The following PDE4D variants were observed in gnomAD, a reference collection of about 807,000 sequenced individuals.
PDE4D encodes the protein 3',5'-cyclic-AMP phosphodiesterase 4D.
In PDE4D, 24 loss-of-function variants were observed where a neutral mutation model predicts 87.4. The observed-to-expected ratio is 0.27, with a 90% confidence interval of 0.20 to 0.39. The LOEUF (loss-of-function observed/expected upper bound fraction) is 0.39, where lower values mean the gene tolerates loss of function less well. Ranked by LOEUF, PDE4D falls within the 10% of genes least tolerant of loss-of-function variation. PDE4D has a pLI of 1.00. For missense variants in PDE4D, 714 were observed against 1,041.0 expected (o/e 0.69, Z 4.32); for synonymous variants, 384 against 383.2 (o/e 1.00, Z -0.02).
intron 3 of PDE4D, among the ~76,000 whole-genome samples, chr5:59,912,433 A>C (rs1335285328): frequency 8.5e-5 from 13 of 152,254 alleles, no homozygotes; most frequent in African/African-American, 2.9e-4. Flanking sequence ...GTAAGACTGC[A>C]CTTGGTGATG....
intron 2 of PDE4D, among the ~76,000 whole-genome samples, chr5:60,175,180 G>T (rs1783804687): frequency 1.3e-5 from 2 of 151,868 alleles, no homozygotes; most frequent in Admixed American, 6.6e-5. Flanking sequence ...TTCAAGTCCA[G>T]TGATTATTTC....
At chr5:59,635,639 C>A (rs1832143101) in intron 1 of PDE4D, among the ~76,000 whole-genome samples, 1 of 152,136 alleles carries the variant, frequency 6.6e-6, no homozygotes, top group Non-Finnish European at 1.5e-5. Flanking sequence ...TGACAAAAAC[C>A]ACATGATCAA....
intron 1 of PDE4D, among the ~76,000 whole-genome samples, chr5:60,425,802 T>G (rs1203899389): frequency 1.3e-5 from 2 of 152,134 alleles, no homozygotes; most frequent in Non-Finnish European, 2.9e-5. Flanking sequence ...AGTGCTAGTA[T>G]CCAGAATCTA....
intron 1 of PDE4D, among the ~76,000 whole-genome samples, chr5:59,365,052 T>G (rs1782834530): frequency 6.6e-6 from 1 of 152,130 alleles, no homozygotes; most frequent in African/African-American, 2.4e-5. Flanking sequence ...ATACAAAATT[T>G]GACTGGGCTT....
chr5:60,205,660 T>A (rs1583067412), intron 1 of PDE4D, among the ~76,000 whole-genome samples: 1 of 151,402 alleles, frequency 6.6e-6, no homozygotes, highest in African/African-American at 2.4e-5. Context: ...CCAAGGCGGG[T>A]GGATCACCTG....
intron 5 of PDE4D, among the ~76,000 whole-genome samples, chr5:59,155,708 A>C (rs1780075894): frequency 6.6e-6 from 1 of 152,170 alleles, no homozygotes; most frequent in Non-Finnish European, 1.5e-5. Flanking sequence ...AAAACAGACG[A>C]AGCAAGGACT....
At chr5:60,439,598 C>A (rs1413275711) in intron 1 of PDE4D, among the ~76,000 whole-genome samples, 1 of 152,124 alleles carries the variant, frequency 6.6e-6, no homozygotes, top group Non-Finnish European at 1.5e-5. Flanking sequence ...ATGGCCACAA[C>A]ATCCATGTAG....
intron 1 of PDE4D, among the ~76,000 whole-genome samples, chr5:60,281,296 A>G (rs1480178225): frequency 6.6e-6 from 1 of 152,192 alleles, no homozygotes; most frequent in Non-Finnish European, 1.5e-5. Flanking sequence ...CACAAATCCA[A>G]AATCAAACTT....
chr5:59,029,656 ATG>A (rs1445208210), intron 6 of PDE4D, among the ~76,000 whole-genome samples: 1 of 71,734 alleles, frequency 1.4e-5, no homozygotes, highest in African/African-American at 6.1e-5. Context: ...CAAAATTCCA[ATG>A]TCTTTTTTTT....
intron 1 of PDE4D, among the ~76,000 whole-genome samples, chr5:59,553,774 C>A (rs940957098): frequency 1.3e-5 from 2 of 151,906 alleles, no homozygotes; most frequent in Non-Finnish European, 2.9e-5. Context: ...ATTTTAGGAA[C>A]GAGTATAGTA....
chr5:60,484,045 T>C lies in PDE4D; in HGVS notation c.-90+3897A>G, dbSNP rs530916349. 8.4e-4 allele frequency among the ~76,000 whole-genome samples: 128 copies of C among 152,296 alleles called. 1 individual carries two copies. The highest frequency in any genetic ancestry group is 3.4e-3 in the Middle Eastern group (1 of 294). ...AAAATTTGGGATTCAAAACTGCTAA[T>C]TGATCTTTCAAATCATTCAGAAGGT... is the stretch of plus-strand genomic sequence containing the variant. On this transcript the variant is annotated intron_variant, in intron 1 of 16. Transcript: ENST00000502484.
intron 1 of PDE4D, among the ~76,000 whole-genome samples, chr5:59,250,416 A>T (rs1432403742): frequency 6.6e-6 from 1 of 151,100 alleles, no homozygotes; most frequent in South Asian, 2.1e-4. Flanking sequence ...TCGCTTAAGC[A>T]TGGGAGGTCA....
intron 1 of PDE4D, among the ~76,000 whole-genome samples, chr5:59,298,404 C>T (rs1204704815): frequency 6.6e-6 from 1 of 152,018 alleles, no homozygotes; most frequent in Admixed American, 6.6e-5. Flanking sequence ...TGTGAGCCAC[C>T]GTGCCTGGCC....
At chr5:59,946,096 ATGTCTGAGC>A (rs1338549390) in intron 3 of PDE4D, among the ~76,000 whole-genome samples, 3 of 152,148 alleles carry the variant, frequency 2.0e-5, no homozygotes, top group Non-Finnish European at 1.5e-5. Context: ...AAACTGACCT[ATGTCTGAGC>A]TGCCTTCCAT....
intron 1 of PDE4D, among the ~76,000 whole-genome samples, chr5:59,635,554 C>T (rs1045815868): frequency 6.6e-6 from 1 of 152,224 alleles, no homozygotes; most frequent in Non-Finnish European, 1.5e-5. Flanking sequence ...ATCAAGTCGG[C>T]TTCATCCCTG....
intron 1 of PDE4D, among the ~76,000 whole-genome samples, chr5:59,574,057 TA>T (rs1245624819): frequency 4.7e-5 from 3 of 63,278 alleles, no homozygotes; most frequent in Non-Finnish European, 8.4e-5. Flanking sequence ...TATTTATATA[TA>T]AAAATATATA....
At chr5:59,957,605 CATA>C (rs1758985711) in intron 3 of PDE4D, among the ~76,000 whole-genome samples, 1 of 151,834 alleles carries the variant, frequency 6.6e-6, no homozygotes, top group African/African-American at 2.4e-5. Flanking sequence ...ACATATTTTT[CATA>C]ATAATTATAA....
At chr5:59,365,870 T>C in intron 1 of PDE4D, among the ~76,000 whole-genome samples, 1 of 152,318 alleles carries the variant, frequency 6.6e-6, no homozygotes, top group East Asian at 1.9e-4. Context: ...CTTTGAATCC[T>C]TCTTATACAC....
intron 1 of PDE4D, among the ~76,000 whole-genome samples, chr5:60,305,640 T>G (rs1754427288): frequency 6.6e-6 from 1 of 151,768 alleles, no homozygotes; most frequent in African/African-American, 2.4e-5. Flanking sequence ...ATCTGGCACT[T>G]TTTAAACTAC....
Sources: allele counts gnomAD v4.1 joint callset (sites outside exome capture counted in the v4.1 genomes callset), GRCh38; gene constraint gnomAD v4.1.1; transcripts MANE v1.5; gene names NCBI Gene and HGNC (gene_info 2026-07-23, HGNC 2026-07-21).